RORB: variants seen among roughly 807,000 people sequenced by gnomAD.
RORB encodes nuclear receptor ROR-beta.
Under a neutral mutation model 59.1 loss-of-function variants are expected in RORB, and 6 were observed. The observed-to-expected ratio is 0.10, with a 90% CI of 0.06 to 0.20. The LOEUF is 0.20. Ranked by LOEUF, RORB falls within the 10% of genes least tolerant of loss-of-function variation. The probability of loss-of-function intolerance (pLI) is 1.00; values close to 1 mark genes in which losing one functional copy is unlikely to be tolerated. For missense variants in RORB, 320 were observed against 560.5 expected (o/e 0.57, Z 4.33); for synonymous variants, 215 against 204.5 (o/e 1.05, Z -0.44).
chr9:74,565,634 T>G (rs1822458817), intron 1 of RORB, among the ~76,000 whole-genome samples: 1 of 152,232 alleles, frequency 6.6e-6, no homozygotes, highest in Admixed American at 6.5e-5. Context: ...TTTACATTTA[T>G]TCAAAAAGTG....
intron 1 of RORB, among the ~76,000 whole-genome samples, chr9:74,512,608 G>A (rs1825957122): frequency 6.6e-6 from 1 of 152,160 alleles, no homozygotes. Flanking sequence ...GTAGAGGTCA[G>A]GAATGCTGTT....
chr9:74,642,478 C>A lies in RORB; in HGVS notation c.300C>A (p.His100Gln). 1 of 1,614,126 alleles carries A rather than the reference C, an allele frequency of 6.2e-7. No individual in the cohort carries two copies. The highest frequency in any genetic ancestry group is 8.5e-7 in the Non-Finnish European group (1 of 1,179,974). Residue 100 changes from histidine (H) to glutamine (Q), a missense_variant, in exon 4 of 10, where the codon CAC (histidine) becomes CAA (glutamine). Physicochemically the swap from His to Gln is conservative, Grantham distance 24 (BLOSUM62 0). This residue lies in a region of RORB where 134 missense variants were observed against 156.2 expected (regional missense o/e 0.86). Coordinates refer to ENST00000376896, the MANE Select transcript of RORB (RefSeq NM_006914.4). ...GCCTGTATGCTGAGGTGCAGAAGCA[C>A]CAGCAGCGGCTGCAGGAACAGCGGC... The part of the protein sequence containing the change: ...RDSLYAEVQK[H>Q]QQRLQEQRQQ...
intron 1 of RORB, among the ~76,000 whole-genome samples, chr9:74,578,679 G>C (rs1822673314): frequency 6.6e-5 from 1 of 15,262 alleles, no homozygotes; most frequent in South Asian, 0.016. Flanking sequence ...ATTTGGAGTA[G>C]AAGATCCTTT....
chr9:74,593,780 AG>A (rs1424200316), intron 1 of RORB, among the ~76,000 whole-genome samples: 1 of 152,154 alleles, frequency 6.6e-6, no homozygotes, highest in Non-Finnish European at 1.5e-5. Context: ...CAGCAAACAG[AG>A]GAACAGAGAC....
chr9:74,525,817 T>A (rs1207425195), intron 1 of RORB, among the ~76,000 whole-genome samples: 1 of 151,976 alleles, frequency 6.6e-6, no homozygotes, highest in Non-Finnish European at 1.5e-5. Flanking sequence ...CCCAACTAAA[T>A]GAATCTTTTT....
chr9:74,660,699 G>A lies in RORB; in HGVS notation c.720G>A (p.Gln240=), dbSNP rs1824167167. Residue 240 remains glutamine (Q), a synonymous_variant, in exon 5 of 10, where the codon CAG becomes CAA. Coordinates refer to ENST00000376896, the MANE Select transcript of RORB (RefSeq NM_006914.4). ...AAGAGCTGCACCAGCTGGCGTGGCA[G>A]ACCCACACCTATGAAGAAATTAAAG... ...TMEELHQLAW[Q]THTYEEIKAY... is the part of the protein sequence containing the mutation. The A allele has an allele frequency of 6.2e-7, 1 of 1,613,668 alleles. No homozygotes were observed. The highest frequency in any genetic ancestry group is 1.3e-5 in the African/African-American group (1 of 74,900).
At chr9:74,576,794 T>C (rs183831869) in intron 1 of RORB, among the ~76,000 whole-genome samples, 48 of 152,250 alleles carry the variant, frequency 3.2e-4, no homozygotes, top group African/African-American at 8.9e-4. Context: ...ATAATAATGA[T>C]AGCTAACACT....
At chr9:74,662,445 AT>A (rs1170602907) in intron 5 of RORB, 28 bp from the exon 6 acceptor site, 1 of 1,612,720 alleles carries the variant, frequency 6.2e-7, no homozygotes, top group East Asian at 2.2e-5. Flanking sequence ...CGTTTGCCCT[AT>A]TTACATTCTG....
intron 5 of RORB, among the ~76,000 whole-genome samples, chr9:74,661,165 T>A (rs10869435): frequency 0.38 from 58,424 of 152,084 alleles, 12,281 homozygotes; most frequent in East Asian, 0.5. Flanking sequence ...TTCTAAAGTT[T>A]TTTCTTGCCC....
At chr9:74,659,678 G>C (rs932355785) in intron 4 of RORB, among the ~76,000 whole-genome samples, 2 of 151,794 alleles carry the variant, frequency 1.3e-5, no homozygotes, top group Non-Finnish European at 2.9e-5. Flanking sequence ...TTTTTTTTTA[G>C]TAGAGATGGG....
intron 1 of RORB, among the ~76,000 whole-genome samples, chr9:74,549,618 AAGGAAGGAAGAAAG>A (rs1473442566): frequency 6.3e-5 from 7 of 111,256 alleles, no homozygotes; most frequent in East Asian, 4.5e-4. Context: ...GAAAGGAAGG[AAGGAAGGAAGAAAG>A]GAAAGAAAGA....
At chr9:74,671,607 G>A (rs749641183) in intron 8 of RORB, among the ~76,000 whole-genome samples, 182 bp from the exon 9 acceptor site, 2 of 152,202 alleles carry the variant, frequency 1.3e-5, no homozygotes, top group South Asian at 2.1e-4. Context: ...ATAATATTGC[G>A]CATTCCTGGC....
intron 1 of RORB, among the ~76,000 whole-genome samples, chr9:74,542,751 A>G (rs1826428593): frequency 6.6e-6 from 1 of 152,158 alleles, no homozygotes; most frequent in Non-Finnish European, 1.5e-5. Context: ...TTATCTAAGA[A>G]TTCTTCCAAG....
At chr9:74,561,690 A>C (rs750130663) in intron 1 of RORB, among the ~76,000 whole-genome samples, 1 of 152,226 alleles carries the variant, frequency 6.6e-6, no homozygotes, top group Non-Finnish European at 1.5e-5. Flanking sequence ...AAAAATTTAC[A>C]TAACCAGAAT....
chr9:74,554,652 CTGTT>C (rs764935448), intron 1 of RORB, among the ~76,000 whole-genome samples: 29 of 151,994 alleles, frequency 1.9e-4, no homozygotes, highest in Non-Finnish European at 3.5e-4. Context: ...TACAAGCTTT[CTGTT>C]TGTTTGTTTG....
intron 1 of RORB, among the ~76,000 whole-genome samples, chr9:74,609,737 G>T (rs968009930): frequency 3.3e-5 from 5 of 152,102 alleles, no homozygotes; most frequent in South Asian, 2.1e-4. Flanking sequence ...TGAGTAACTT[G>T]CACTAATCAT....
At chr9:74,642,374 T>C (rs1694009504) in intron 3 of RORB, 40 bp from the exon 4 acceptor site, 19 of 1,559,334 alleles carry the variant, frequency 1.2e-5, no homozygotes, top group Non-Finnish European at 1.6e-5. Context: ...ACGCGAATGA[T>C]AACCACAAGT....
chr9:74,609,243 A>G (rs1017471743), intron 1 of RORB, among the ~76,000 whole-genome samples: 1 of 152,234 alleles, frequency 6.6e-6, no homozygotes, highest in African/African-American at 2.4e-5. Flanking sequence ...TGAGGAAACA[A>G]AGGTTCTGAG....
chr9:74,625,119 G>A (rs1823487902), intron 1 of RORB, among the ~76,000 whole-genome samples: 1 of 152,186 alleles, frequency 6.6e-6, no homozygotes, highest in African/African-American at 2.4e-5. Context: ...AATTCCTGGT[G>A]ACTCTTTAAA....
Sources: gnomAD v4.1 joint callset for allele counts (sites outside exome capture counted in the v4.1 genomes callset) on GRCh38, gnomAD v4.1.1 for gene constraint, gnomAD v4.1.1 regional missense constraint, MANE v1.5 for transcripts, NCBI Gene and HGNC (gene_info 2026-07-23, HGNC 2026-07-21) for gene names.